The following GSS variants were observed in gnomAD, a reference collection of about 807,000 sequenced individuals.
The protein encoded by GSS is glutathione synthetase.
GSS carries 34 observed loss-of-function variants against 60.4 expected under a neutral mutation model. That is an observed-to-expected ratio of 0.56 (90% CI 0.43 to 0.75). The LOEUF is 0.75. Among genes scored for constraint, GSS ranks in the 30% least tolerant of loss-of-function variants. GSS has a pLI of 0.00. For missense variants in GSS, 499 were observed against 595.1 expected, an observed-to-expected ratio of 0.84 and a Z score of 1.68; for synonymous variants, 224 against 239.0, an observed-to-expected ratio of 0.94 and a Z score of 0.58.
At chr20:34,934,757 C>T (rs1427171700) in intron 9 of GSS, among the ~76,000 whole-genome samples, 8 of 152,134 alleles carry the variant, frequency 5.3e-5, no homozygotes, top group African/African-American at 1.9e-4. Flanking sequence ...AAGGAGCCCC[C>T]TCAGTTTTCT....
chr20:34,949,455 G>C (rs1281677099), intron 2 of GSS: 1 of 136,852 alleles, frequency 7.3e-6, no homozygotes, highest in Non-Finnish European at 1.6e-5. Flanking sequence ...TCCTACTTTT[G>C]GGTCCTTGCT....
chr20:34,933,180 G>A (rs955610439), intron 9 of GSS, among the ~76,000 whole-genome samples: 1 of 152,052 alleles, frequency 6.6e-6, no homozygotes, highest in South Asian at 2.1e-4. Flanking sequence ...CCATTTCTCT[G>A]ACCAGACTGT....
At chr20:34,947,949 CTTTTT>C (rs11429240) in intron 2 of GSS, among the ~76,000 whole-genome samples, 1 of 136,020 alleles carries the variant, frequency 7.4e-6, no homozygotes, top group Non-Finnish European at 1.6e-5. Flanking sequence ...TTCTCAGCAT[CTTTTT>C]TTTTTTTTTT....
chr20:34,928,869 C>T lies in GSS; in HGVS notation c.1384G>A (p.Ala462Thr). 6.2e-7 allele frequency: 1 copy of T among 1,614,076 alleles called. No homozygotes were observed. Among genetic ancestry groups the T allele is most frequent in the Non-Finnish European group, 8.5e-7 (1 of 1,180,024 alleles). The change falls in exon 13 of 13, where the codon GCA becomes ACA. Residue 462 changes from alanine to threonine, a missense_variant. Transcript: ENST00000651619. Reference protein sequence around the residue: ...KAIEHADGGVAAGVAVLDNPY... With the variant: ...KAIEHADGGVTAGVAVLDNPY... ...TTGTCCAGGACTGCCACTCCCGCTGCCACACCACCATCTGCATGCTCGATG... is the reference window on the plus strand; with the variant it reads ...TTGTCCAGGACTGCCACTCCCGCTGTCACACCACCATCTGCATGCTCGATG...
chr20:34,932,134 C>G lies in GSS; in HGVS notation c.835-1G>C. 1 of 1,612,460 alleles carries G rather than the reference C, an allele frequency of 6.2e-7. No homozygotes were observed. The highest frequency in any genetic ancestry group is 8.5e-7 in the Non-Finnish European group (1 of 1,178,412). On this transcript the variant is annotated splice_acceptor_variant, in intron 9 of 12. Transcript: ENST00000651619. LOFTEE classifies it high-confidence loss of function. Reference sequence around the variant, plus strand: ...CCAGCAGTAGACGTGCTTCCCAATTCTGCAGAGGGAAGAAGACAAAAGGAA... The same window carrying G: ...CCAGCAGTAGACGTGCTTCCCAATTGTGCAGAGGGAAGAAGACAAAAGGAA...
chr20:34,928,587 G>A lies in GSS; in HGVS notation c.*241C>T. On this transcript the variant is annotated 3_prime_UTR_variant, in exon 13 of 13. Coordinates refer to ENST00000651619, the MANE Select transcript of GSS (RefSeq NM_000178.4). ...CTGACAGGAGTGGGGCAGGGTTCATGGACCTTTACCTCAGAGCAGCTTACC... is the reference window on the plus strand; with the variant it reads ...CTGACAGGAGTGGGGCAGGGTTCATAGACCTTTACCTCAGAGCAGCTTACC... 8.6e-6 allele frequency: 5 copies of A among 582,808 alleles called. No individual in the cohort carries two copies. The highest frequency in any genetic ancestry group is 3.7e-5 in the African/African-American group (2 of 53,814). 36.1% of individuals were successfully genotyped at this position (582,808 alleles called of 1,614,324 possible).
At position 34,928,816 on chromosome 20, in the gene GSS, CT is replaced by C; in HGVS notation, c.*11del. ...TACAGAGGATAGAAGGTCCCGTGGCCTGGTTGTGCCCTCACACAGGGTATGG... is the reference window on the plus strand; with the variant it reads ...TACAGAGGATAGAAGGTCCCGTGGCCGGTTGTGCCCTCACACAGGGTATGG... On this transcript the variant is annotated 3_prime_UTR_variant, in exon 13 of 13. Transcript: ENST00000651619. 4 of 1,614,082 alleles carry C rather than the reference CT, an allele frequency of 2.5e-6. No homozygotes were observed. Among genetic ancestry groups the C allele is most frequent in the Non-Finnish European group, 3.4e-6 (4 of 1,179,984 alleles).
chr20:34,945,943 T>C lies in GSS; in HGVS notation c.275+10A>G. On this transcript the variant is annotated intron_variant, in intron 3 of 12. Coordinates refer to ENST00000651619, the MANE Select transcript of GSS (RefSeq NM_000178.4). ...AGCTCCTGGCCCCCCAATGCTTCAC[T>C]GTCCCCTACCTGGAAAGAGTTTGCT... 6.2e-7 allele frequency: 1 copy of C among 1,613,928 alleles called. No individual in the cohort carries two copies. Among genetic ancestry groups the C allele is most frequent in the Non-Finnish European group, 8.5e-7 (1 of 1,179,876 alleles).
intron 8 of GSS, among the ~76,000 whole-genome samples, chr20:34,935,910 G>A (rs1300718961): frequency 6.6e-6 from 1 of 152,142 alleles, no homozygotes; most frequent in African/African-American, 2.4e-5. Flanking sequence ...GAACAAGAAG[G>A]TCACTAGAAT....
At chr20:34,945,880 C>T (rs2081517119) in intron 3 of GSS, 73 bp downstream of exon 3, 1 of 1,516,118 alleles carries the variant, frequency 6.6e-7, no homozygotes, top group Admixed American at 1.7e-5. Flanking sequence ...ACAGTAACAC[C>T]TCACGGCTCT....
rs376898120 is a variant in GSS at position 34,931,442 on chromosome 20, T to C, written c.1030-25A>G. 4 of 1,602,248 alleles carry C rather than the reference T, an allele frequency of 2.5e-6. No individual in the cohort carries two copies. In the African/African-American group the frequency reaches 5.4e-5, roughly 21 times the overall value. ...CCTGGCAGGAGGCAGAAAGCAGTTATCAAAAGTTTAAAGGCTAAAGAGGCA... is the reference window on the plus strand; with the variant it reads ...CCTGGCAGGAGGCAGAAAGCAGTTACCAAAAGTTTAAAGGCTAAAGAGGCA... On this transcript the variant is annotated intron_variant, in intron 10 of 12. Coordinates refer to ENST00000651619, the MANE Select transcript of GSS (RefSeq NM_000178.4).
intron 6 of GSS, among the ~76,000 whole-genome samples, chr20:34,940,631 A>T (rs2081475121): frequency 2.0e-5 from 3 of 152,220 alleles, no homozygotes; most frequent in Admixed American, 6.5e-5. Flanking sequence ...CAGAGAGCTT[A>T]TTATGAGAAT....
At chr20:34,939,672 T>C (rs6088654) in intron 6 of GSS, among the ~76,000 whole-genome samples, 1 of 150,344 alleles carries the variant, frequency 6.7e-6, no homozygotes, top group Non-Finnish European at 1.5e-5. Flanking sequence ...GTTTGTTTTT[T>C]GTTTTTTTTT....
intron 1 of GSS, 70 bp downstream of exon 1, chr20:34,955,657 A>T (rs1600397133): frequency 6.6e-6 from 1 of 151,834 alleles, no homozygotes; most frequent in Non-Finnish European, 1.5e-5. Context: ...CTCTTGCCAG[A>T]CCCCTCCCTC....
chr20:34,938,080 A>C (rs2081454583), intron 6 of GSS, among the ~76,000 whole-genome samples: 3 of 151,740 alleles, frequency 2.0e-5, no homozygotes, highest in African/African-American at 7.3e-5. Context: ...CTGGGCTCGA[A>C]CTCCTGACCT....
chr20:34,938,375 T>C (rs771051246), intron 6 of GSS, among the ~76,000 whole-genome samples: 1 of 152,148 alleles, frequency 6.6e-6, no homozygotes, highest in Non-Finnish European at 1.5e-5. Context: ...AAAATATAGG[T>C]CTTAGTAAGT....
chr20:34,944,606 T>C (rs984554419), intron 3 of GSS, among the ~76,000 whole-genome samples: 4 of 152,230 alleles, frequency 2.6e-5, no homozygotes, highest in African/African-American at 9.6e-5. Flanking sequence ...ATATCCCTTA[T>C]CCGAAATGCT....
Position 34,929,431 on chromosome 20 carries a change from G to A in GSS, c.1271C>T (p.Ser424Leu). 6.2e-7 allele frequency: 1 copy of A among 1,614,094 alleles called. No homozygotes were observed. The highest frequency in any genetic ancestry group is 8.5e-7 in the Non-Finnish European group (1 of 1,179,952). The change falls in exon 12 of 13, where the codon TCA (serine) becomes TTA (leucine). Residue 424 changes from serine to leucine, a missense_variant. Coordinates refer to ENST00000651619, the MANE Select transcript of GSS (RefSeq NM_000178.4). ...ATAGACCCCAAAGATGCCCAGCTCT[G>A]AAATGCACTGGACCACTCGGGCAGG... ...GSPARVVQCISELGIFGVYVR... is the reference protein window; with the variant it reads ...GSPARVVQCILELGIFGVYVR...
In GSS at chr20:34,941,735, A is replaced by C; in HGVS notation, c.586T>G (p.Trp196Gly). ...KGLALGIAKA[W>G]ELYGSPNALV... ...TACTTGGGTGAGCCGTAGAGCTCCC[A>C]GGCTTTGGCAATTCCCAGGGCCAGT... is the stretch of plus-strand genomic sequence containing the variant. Residue 196 changes from tryptophan to glycine, a missense_variant, in exon 6 of 13, where the codon TGG becomes GGG. By Grantham distance (184) the Trp-to-Gly change is radical. Transcript: ENST00000651619. 6.2e-7 allele frequency: 1 copy of C among 1,604,610 alleles called. No individual in the cohort carries two copies. The highest frequency in any genetic ancestry group is 8.5e-7 in the Non-Finnish European group (1 of 1,172,352).
Sources: gnomAD v4.1 joint callset for allele counts (sites outside exome capture counted in the v4.1 genomes callset) on GRCh38, gnomAD v4.1.1 for gene constraint, MANE v1.5 for transcripts, NCBI Gene and HGNC (gene_info 2026-07-23, HGNC 2026-07-21) for gene names.